Variants in SGCD observed in about 807,000 individuals in gnomAD.
The protein encoded by SGCD is delta-sarcoglycan.
In SGCD, 18 loss-of-function variants were observed where a neutral mutation model predicts 36.6. That is an observed-to-expected ratio of 0.49 (90% CI 0.34 to 0.73). The LOEUF is 0.73. Ranked by LOEUF, SGCD falls within the 30% of genes least tolerant of loss-of-function variation. The pLI, the probability that SGCD is intolerant of heterozygous loss-of-function variation, is 0.01. For synonymous variants in SGCD, 133 were observed against 130.6 expected, an observed-to-expected ratio of 1.02 and a Z score of -0.12; for missense variants, 387 against 346.7, an observed-to-expected ratio of 1.12 and a Z score of -0.92.
At chr5:156,089,124 A>C (rs923834771) in intron 1 of SGCD, among the ~76,000 whole-genome samples, 1 of 152,214 alleles carries the variant, frequency 6.6e-6, no homozygotes, top group East Asian at 1.9e-4. Context: ...TAATTATTGT[A>C]CATATTATTT....
chr5:156,462,075 C>G (rs777868511), intron 3 of SGCD, among the ~76,000 whole-genome samples: 5 of 152,092 alleles, frequency 3.3e-5, no homozygotes, highest in Non-Finnish European at 7.4e-5. Flanking sequence ...TATATAATGA[C>G]TCAGAGGACA....
At chr5:156,489,069 G>T (rs115630303) in intron 3 of SGCD, among the ~76,000 whole-genome samples, 2,675 of 152,130 alleles carry the variant, frequency 0.018, 64 homozygotes, top group African/African-American at 0.062. Context: ...AGAAGCAGGG[G>T]TAGCTTTTCT....
At chr5:155,836,086 T>C in the SGCD span, among the ~76,000 whole-genome samples, 1 of 152,194 alleles carries the variant, frequency 6.6e-6, no homozygotes, top group Non-Finnish European at 1.5e-5. Context: ...CAAAATTATT[T>C]CAAGTTTCAG....
chr5:156,159,959 TG>T (rs2127618024), intron 3 of SGCD, among the ~76,000 whole-genome samples: 1 of 151,712 alleles, frequency 6.6e-6, no homozygotes, highest in African/African-American at 2.4e-5. Context: ...TTAAGTCCCA[TG>T]GAAGACTTGA....
intron 7 of SGCD, among the ~76,000 whole-genome samples, chr5:156,738,365 C>T (rs1756485348): frequency 6.6e-6 from 1 of 152,142 alleles, no homozygotes; most frequent in Non-Finnish European, 1.5e-5. Context: ...CCTTGGAAAC[C>T]TCGAGTTCTG....
intron 3 of SGCD, among the ~76,000 whole-genome samples, chr5:156,286,692 A>C (rs996836004): frequency 4.6e-5 from 7 of 152,096 alleles, no homozygotes; most frequent in Admixed American, 2.0e-4. Context: ...GGGAGTGGGG[A>C]GGGATAGCAT....
At chr5:155,810,002 A>C in the SGCD span, among the ~76,000 whole-genome samples, 1 of 152,146 alleles carries the variant, frequency 6.6e-6, no homozygotes, top group Non-Finnish European at 1.5e-5. Flanking sequence ...CTATCTCCTC[A>C]TCTGCTCCTT....
chr5:156,647,142 TTAA>T (rs1408056075), intron 6 of SGCD, among the ~76,000 whole-genome samples: 1 of 152,168 alleles, frequency 6.6e-6, no homozygotes, highest in Non-Finnish European at 1.5e-5. Flanking sequence ...TGGGTGACTA[TTAA>T]TAGTTTCTGA....
intron 1 of SGCD, among the ~76,000 whole-genome samples, chr5:155,926,697 A>G (rs1227467158): frequency 6.6e-6 from 1 of 152,216 alleles, no homozygotes; most frequent in Admixed American, 6.5e-5. Flanking sequence ...GAAATATTCC[A>G]TGGTGGGGAG....
the SGCD span, among the ~76,000 whole-genome samples, chr5:155,794,535 T>C: frequency 3.9e-5 from 6 of 151,962 alleles, no homozygotes; most frequent in Non-Finnish European, 7.4e-5. Context: ...TATAACACAT[T>C]AATTATTCCA....
At chr5:156,339,146 GTTATA>G (rs149320789) in intron 2 of SGCD, among the ~76,000 whole-genome samples, 7,134 of 152,186 alleles carry the variant, frequency 0.047, 305 homozygotes, top group African/African-American at 0.11. Flanking sequence ...ATTACAGGTG[GTTATA>G]TTATATGATA....
chr5:156,317,270 T>C (rs1767542342), intron 3 of SGCD, among the ~76,000 whole-genome samples: 1 of 152,166 alleles, frequency 6.6e-6, no homozygotes, highest in Admixed American at 6.5e-5. Flanking sequence ...TATGGTTATG[T>C]ATATAAGAGC....
At chr5:155,774,154 A>T in the SGCD span, among the ~76,000 whole-genome samples, 1 of 152,122 alleles carries the variant, frequency 6.6e-6, no homozygotes, top group African/African-American at 2.4e-5. Flanking sequence ...GCTGGATTTT[A>T]ACTTGGCTCA....
At chr5:156,575,581 T>G (rs908154556) in intron 4 of SGCD, among the ~76,000 whole-genome samples, 1 of 152,192 alleles carries the variant, frequency 6.6e-6, no homozygotes, top group Admixed American at 6.5e-5. Flanking sequence ...CTGTAGACAT[T>G]AAGCCATCCA....
chr5:156,574,984 C>T (rs975510861), intron 4 of SGCD, among the ~76,000 whole-genome samples: 1 of 152,108 alleles, frequency 6.6e-6, no homozygotes, highest in African/African-American at 2.4e-5. Context: ...AGCCACAAAG[C>T]CCAGACTTGT....
intron 3 of SGCD, among the ~76,000 whole-genome samples, chr5:156,421,473 C>T (rs928318635): frequency 4.6e-5 from 7 of 152,080 alleles, no homozygotes; most frequent in Non-Finnish European, 7.4e-5. Flanking sequence ...ACTTTGACCA[C>T]CATGGGTCAG....
intron 1 of SGCD, among the ~76,000 whole-genome samples, chr5:156,077,191 C>G (rs1760808552): frequency 6.6e-6 from 1 of 152,104 alleles, no homozygotes; most frequent in African/African-American, 2.4e-5. Flanking sequence ...GCTTCAACTG[C>G]CTGAGCTGGC....
At chr5:155,955,772 T>C (rs1198955832) in intron 1 of SGCD, among the ~76,000 whole-genome samples, 1 of 152,060 alleles carries the variant, frequency 6.6e-6, no homozygotes, top group Non-Finnish European at 1.5e-5. Context: ...AGTAACAGAT[T>C]ATGAACAGAA....
At chr5:156,254,981 A>G (rs1263897055) in intron 3 of SGCD, among the ~76,000 whole-genome samples, 1 of 152,228 alleles carries the variant, frequency 6.6e-6, no homozygotes, top group African/African-American at 2.4e-5. Flanking sequence ...ACACCAACAT[A>G]ATACCACAAG....
Sources: allele counts gnomAD v4.1 joint callset (sites outside exome capture counted in the v4.1 genomes callset), GRCh38; gene constraint gnomAD v4.1.1; transcripts MANE v1.5; gene names NCBI Gene and HGNC (gene_info 2026-07-23, HGNC 2026-07-21).